Variants in CPSF4L observed in about 807,000 individuals in gnomAD.
The protein encoded by CPSF4L is cleavage and polyadenylation specific factor 4 like, also known as putative cleavage and polyadenylation specificity factor subunit 4-like protein.
Under a neutral mutation model 24.0 loss-of-function variants are expected in CPSF4L, and 18 were observed. The ratio of observed to expected loss-of-function variants is 0.75; its 90% confidence interval spans 0.52 to 1.11. CPSF4L has a LOEUF of 1.11. Among genes scored for constraint, CPSF4L ranks in the 50% least tolerant of loss-of-function variants. The pLI is 0.00. For synonymous variants in CPSF4L, 72 were observed against 77.2 expected, an observed-to-expected ratio of 0.93 and a Z score of 0.35; for missense variants, 211 against 221.8, an observed-to-expected ratio of 0.95 and a Z score of 0.31.
the CPSF4L span, chr17:73,242,286 A>T: frequency 6.2e-7 from 1 of 1,606,546 alleles, no homozygotes; most frequent in Non-Finnish European, 8.5e-7. Flanking sequence ...AGGAGTTTGG[A>T]ACCCCCTGCC....
chr17:73,247,473 G>A (rs1236214464), downstream of CPSF4L: 6 of 797,628 alleles, frequency 7.5e-6, no homozygotes, highest in African/African-American at 8.6e-5. Flanking sequence ...AGCCCTCAAG[G>A]TTATCAGGAG....
the CPSF4L span, among the ~76,000 whole-genome samples, chr17:73,242,574 AAT>A: frequency 6.6e-6 from 1 of 152,296 alleles, no homozygotes; most frequent in African/African-American, 2.4e-5. Flanking sequence ...TGTATTTTTT[AAT>A]ACCTACCCCC....
At position 73,261,742 on chromosome 17, in the gene CPSF4L, C is replaced by A; in HGVS notation, c.77G>T (p.Gly26Val). 2.6e-6 allele frequency: 4 copies of A among 1,551,014 alleles called. No individual in the cohort carries two copies. Among genetic ancestry groups the A allele is most frequent in the Non-Finnish European group, 3.5e-6 (4 of 1,146,316 alleles). The change falls in exon 1 of 6, where the codon GGG (glycine) becomes GTG (valine). Residue 26 changes from glycine to valine, a missense_variant. Physicochemically the swap from Gly to Val is moderately radical, Grantham distance 109 (BLOSUM62 -3). Coordinates refer to ENST00000344935, the MANE Select transcript of CPSF4L (RefSeq NM_001129885.1). ...GTCCATGCCCTGGAAAGGCAGGAGC[C>A]CAGTGCCCTTCTGCATCTCGACATC... is the stretch of plus-strand genomic sequence containing the variant. ...EKDVEMQKGTGLLPFQGMDKS... is the reference protein window; with the variant it reads ...EKDVEMQKGTVLLPFQGMDKS...
chr17:73,245,287 T>C (rs944585762), downstream of CPSF4L: 1 of 1,505,172 alleles, frequency 6.6e-7, no homozygotes, highest in African/African-American at 1.4e-5. Flanking sequence ...TGTATAATAT[T>C]TGGGACAGGG....
At chr17:73,247,255 C>T (rs765127601), downstream of CPSF4L, 8 of 1,614,040 alleles carry the variant, frequency 5.0e-6, no homozygotes, top group African/African-American at 8.0e-5. Flanking sequence ...ATTGTGCCGA[C>T]CCCTGCCCTG....
chr17:73,259,911 A>T (rs1368243362), intron 2 of CPSF4L, among the ~76,000 whole-genome samples: 1 of 152,152 alleles, frequency 6.6e-6, no homozygotes, highest in Non-Finnish European at 1.5e-5. Context: ...GGAAACCCTA[A>T]AACTGGAAGC....
chr17:73,244,706 GA>G (rs5821953), downstream of CPSF4L: 76,670 of 150,672 alleles, frequency 0.51, 19,447 homozygotes, highest in East Asian at 0.62. Flanking sequence ...GACTTCTTAA[GA>G]AAAAAAAAAA....
chr17:73,250,114 C>A, intron 5 of CPSF4L: 1 of 729,814 alleles, frequency 1.4e-6, no homozygotes, highest in Non-Finnish European at 2.0e-6. Flanking sequence ...AATAAACCTG[C>A]CTGCCACAGG....
intron 5 of CPSF4L, among the ~76,000 whole-genome samples, chr17:73,249,099 AT>A (rs2061990255): frequency 6.6e-6 from 1 of 152,134 alleles, no homozygotes; most frequent in African/African-American, 2.4e-5. Context: ...CTTTGCAGAC[AT>A]TTGGTGAGAT....
downstream of CPSF4L, chr17:73,247,298 C>T (rs779552750): frequency 1.3e-5 from 21 of 1,614,048 alleles, no homozygotes; most frequent in Admixed American, 1.7e-5. Flanking sequence ...ATTGGTGTGG[C>T]GAAGACGACT....
At chr17:73,245,844 G>A (rs2061943279), downstream of CPSF4L, 1 of 490,086 alleles carries the variant, frequency 2.0e-6, no homozygotes, top group Non-Finnish European at 2.6e-6. Context: ...TGAACCGGTG[G>A]CTAATGTATC....
downstream of CPSF4L, chr17:73,247,468 T>C: frequency 2.3e-6 from 2 of 858,566 alleles, no homozygotes; most frequent in African/African-American, 1.7e-5. Context: ...TTTTCAGCCC[T>C]CAAGGTTATC....
downstream of CPSF4L, chr17:73,247,759 G>A: frequency 6.2e-6 from 1 of 162,188 alleles, no homozygotes; most frequent in Non-Finnish European, 1.3e-5. Context: ...ACATATAGTA[G>A]GAAACAACAA....
chr17:73,262,043 C>G (rs2062049068), upstream of CPSF4L: 2 of 568,646 alleles, frequency 3.5e-6, no homozygotes, highest in Admixed American at 6.1e-5. Context: ...CCCCAGGGCC[C>G]CTCACCCCCA....
intron 3 of CPSF4L, among the ~76,000 whole-genome samples, chr17:73,254,563 C>A (rs1957401365): frequency 6.6e-6 from 1 of 152,188 alleles, no homozygotes; most frequent in African/African-American, 2.4e-5. Context: ...CATCATCTCT[C>A]TATGGATTAG....
At chr17:73,245,135 C>G (rs760520828), downstream of CPSF4L, 2 of 1,610,580 alleles carry the variant, frequency 1.2e-6, no homozygotes, top group African/African-American at 1.3e-5. Flanking sequence ...AGTGGCCTCT[C>G]GGATCCTTAC....
the CPSF4L span, chr17:73,242,918 C>CA: frequency 6.2e-7 from 1 of 1,613,832 alleles, no homozygotes; most frequent in Non-Finnish European, 8.5e-7. Flanking sequence ...GCAACACCAC[C>CA]ATAAGGAAGA....
At chr17:73,250,669 C>T (rs2062001631) in intron 5 of CPSF4L, among the ~76,000 whole-genome samples, 1 of 152,108 alleles carries the variant, frequency 6.6e-6, no homozygotes, top group Non-Finnish European at 1.5e-5. Context: ...AAAAAGGAAC[C>T]AGGTGATACG....
rs1043732288 is a variant in CPSF4L, at chr17:73,261,720, C to A, written c.99G>T (p.Met33Ile). The A allele has an allele frequency of 6.5e-7, 1 of 1,549,156 alleles. No individual in the cohort carries two copies. Among genetic ancestry groups the A allele is most frequent in the East Asian group, 2.4e-5 (1 of 40,912 alleles). Residue 33 changes from methionine (M) to isoleucine (I), a missense_variant, in exon 1 of 6, where the codon ATG becomes ATT. Transcript: ENST00000344935. The stretch of plus-strand genomic sequence containing the variant: ...AGTGGCCCCACCCTCACTCACTGTC[C>A]ATGCCCTGGAAAGGCAGGAGCCCAG... ...KGTGLLPFQG[M>I]DKSASAVCNF...
Sources: allele counts gnomAD v4.1 joint callset (sites outside exome capture counted in the v4.1 genomes callset), GRCh38; gene constraint gnomAD v4.1.1; transcripts MANE v1.5; gene names NCBI Gene and HGNC (gene_info 2026-07-23, HGNC 2026-07-21).